The following AVPI1 variants were observed in gnomAD, a reference collection of about 807,000 sequenced individuals.
AVPI1 encodes the protein arginine vasopressin-induced protein 1.
AVPI1 carries 9 observed loss-of-function variants against 11.9 expected under a neutral mutation model. That is an observed-to-expected ratio of 0.76 (90% CI 0.46 to 1.32). AVPI1 has a LOEUF of 1.32. Among genes scored for constraint, AVPI1 ranks in the 40% most tolerant of loss-of-function variants. The probability of loss-of-function intolerance (pLI) is 0.00; values close to 1 mark genes in which losing one functional copy is unlikely to be tolerated. For missense variants in AVPI1, 207 were observed against 195.8 expected (o/e 1.06, Z -0.34); for synonymous variants, 68 against 78.1 (o/e 0.87, Z 0.68).
At position 97,678,964 on chromosome 10, in the gene AVPI1, T is replaced by A. The variant is rs2041686151; in HGVS notation, c.287+655A>T. On this transcript the variant is annotated intron_variant, in intron 2 of 2. Coordinates refer to ENST00000370626, the MANE Select transcript of AVPI1 (RefSeq NM_021732.3). ...GTGTGTGTGTGTGTGTGTGTGTGTG[T>A]GTGTGTGTGTGTGTGTGTGTGTGTG... Among the ~76,000 whole-genome samples, 11 of 65,336 alleles carry A rather than the reference T, an allele frequency of 1.7e-4. No homozygotes were observed. In the South Asian group the frequency reaches 1.9e-3, roughly 11 times the overall value. 42.9% of individuals were successfully genotyped at this position (65,336 alleles called of 152,430 possible).
chr10:97,679,703 G>C lies in AVPI1; in HGVS notation c.203C>G (p.Ala68Gly). 1 of 1,614,158 alleles carries C rather than the reference G, an allele frequency of 6.2e-7. No homozygotes were observed. The highest frequency in any genetic ancestry group is 8.5e-7 in the Non-Finnish European group (1 of 1,180,030). ...CCTGCGCAGCCTCTTGAGGGCCTCA[G>C]CCACACGGTGGTCCCCTGCACATTC... The part of the protein sequence containing the change: ...IWECAGDHRV[A>G]EALKRLRRKR... The change falls in exon 2 of 3, where the codon GCT becomes GGT. Residue 68 changes from alanine (A) to glycine (G), a missense_variant. Ala to Gly is a moderately conservative substitution (Grantham distance 60). Transcript: ENST00000370626.
At chr10:97,683,726 C>T (rs2041715754) in intron 1 of AVPI1, among the ~76,000 whole-genome samples, 1 of 152,228 alleles carries the variant, frequency 6.6e-6, no homozygotes, top group Non-Finnish European at 1.5e-5. Context: ...AAGAGCCCAG[C>T]TTCCACAGAA....
rs903066706 is a variant in AVPI1, at chr10:97,686,560, C to T, written c.-11+206G>A. 9.2e-5 allele frequency among the ~76,000 whole-genome samples: 14 copies of T among 152,162 alleles called. 1 individual carries two copies. The highest frequency in any genetic ancestry group is 1.2e-4 in the Non-Finnish European group (8 of 68,032). Reference sequence around the variant, plus strand: ...ACCCAGGCAGTCTGACCCCAGCACCCGGGCTCTCAAGCCACTGTTATTTTT... The same window carrying T: ...ACCCAGGCAGTCTGACCCCAGCACCTGGGCTCTCAAGCCACTGTTATTTTT... On this transcript the variant is annotated intron_variant, in intron 1 of 2. Coordinates refer to ENST00000370626, the MANE Select transcript of AVPI1 (RefSeq NM_021732.3).
Position 97,677,802 on chromosome 10 carries a change from C to T in AVPI1, c.*67G>A, listed in dbSNP as rs546978561. The stretch of plus-strand genomic sequence containing the variant: ...TTTGGGCTGCTTGCCTAAAGTCTCT[C>T]TTCCTTCACCTCCCCAGGCCTTTTG... On this transcript the variant is annotated 3_prime_UTR_variant, in exon 3 of 3. Coordinates refer to ENST00000370626, the MANE Select transcript of AVPI1 (RefSeq NM_021732.3). The T allele has an allele frequency of 1.2e-5, 19 of 1,585,162 alleles. No homozygotes were observed. The African/African-American group carries it at 2.2e-4, about 18-fold the overall frequency.
At chr10:97,686,242 C>T (rs967298446) in intron 1 of AVPI1, among the ~76,000 whole-genome samples, 8 of 152,172 alleles carry the variant, frequency 5.3e-5, no homozygotes, top group African/African-American at 1.9e-4. Context: ...TCTATGCATG[C>T]TGGTTGAATG....
intron 1 of AVPI1, among the ~76,000 whole-genome samples, chr10:97,685,341 T>A (rs1025646732): frequency 6.6e-6 from 1 of 152,196 alleles, no homozygotes; most frequent in African/African-American, 2.4e-5. Context: ...CACCATGCAA[T>A]GAATTTGCAA....
intron 2 of AVPI1, among the ~76,000 whole-genome samples, chr10:97,678,698 AAAG>A (rs1316194637): frequency 5.5e-4 from 83 of 151,968 alleles, no homozygotes; most frequent in Non-Finnish European, 1.1e-3. Flanking sequence ...AAAAAAAAAA[AAAG>A]AGAATCTCAC....
intron 1 of AVPI1, among the ~76,000 whole-genome samples, chr10:97,682,816 T>G (rs371992664): frequency 1.3e-5 from 2 of 152,176 alleles, no homozygotes; most frequent in South Asian, 4.1e-4. Context: ...AAATGGAAAT[T>G]TAAAAATCTG....
intron 2 of AVPI1, among the ~76,000 whole-genome samples, chr10:97,679,177 G>A (rs1359361021): frequency 1.1e-4 from 14 of 133,130 alleles, no homozygotes; most frequent in African/African-American, 3.8e-4. Flanking sequence ...GTCTCGCTCT[G>A]TCACCCAGGC....
In AVPI1 at chr10:97,683,805, G is replaced by A. The variant is rs781763732; in HGVS notation, c.-11+2961C>T. Among the ~76,000 whole-genome samples the A allele has an allele frequency of 5.5e-4, 84 of 152,344 alleles. No individual in the cohort carries two copies. The Middle Eastern group carries it at 0.014, about 25-fold the overall frequency. On this transcript the variant is annotated intron_variant, in intron 1 of 2. Transcript: ENST00000370626. ...TTACGAGTCAGAGGAGTCGGTTCAAGCCCTACTTCTGCCACTCACTGGCTG... is the reference window on the plus strand; with the variant it reads ...TTACGAGTCAGAGGAGTCGGTTCAAACCCTACTTCTGCCACTCACTGGCTG...
chr10:97,684,382 T>G (rs992695063), intron 1 of AVPI1, among the ~76,000 whole-genome samples: 7 of 151,796 alleles, frequency 4.6e-5, no homozygotes, highest in African/African-American at 1.5e-4. Context: ...GAGCTGCGAG[T>G]CACAAACATA....
At chr10:97,685,269 G>A (rs970915563) in intron 1 of AVPI1, among the ~76,000 whole-genome samples, 6 of 152,166 alleles carry the variant, frequency 3.9e-5, no homozygotes, top group Non-Finnish European at 7.3e-5. Context: ...AACTTGTTTT[G>A]AAACAGGCAA....
intron 2 of AVPI1, among the ~76,000 whole-genome samples, chr10:97,678,915 G>C (rs2041683234): frequency 2.1e-4 from 2 of 9,640 alleles, no homozygotes; most frequent in Non-Finnish European, 5.2e-4. Context: ...GTGTGTGTGT[G>C]TGTGTGTGTG....
chr10:97,678,684 TAAA>T (rs66489128), intron 2 of AVPI1, among the ~76,000 whole-genome samples: 7 of 145,078 alleles, frequency 4.8e-5, no homozygotes, highest in African/African-American at 7.5e-5. Context: ...TAATTAGGCT[TAAA>T]AAAAAAAAAA....
chr10:97,678,880 GGTGTGTGTGTGTGTGTGT>G (rs1255604041), intron 2 of AVPI1, among the ~76,000 whole-genome samples: 3 of 113,346 alleles, frequency 2.6e-5, no homozygotes, highest in Non-Finnish European at 5.4e-5. Flanking sequence ...GCGGGGGGAG[GGTGTGTGTGTGTGTGTGT>G]GTGTGTGTGT....
At chr10:97,686,374 T>C (rs1326317631) in intron 1 of AVPI1, among the ~76,000 whole-genome samples, 1 of 152,222 alleles carries the variant, frequency 6.6e-6, no homozygotes, top group Non-Finnish European at 1.5e-5. Context: ...ATTAAAATCA[T>C]AGAGGCAGCT....
At chr10:97,679,497 A>G in intron 2 of AVPI1, 122 bp downstream of exon 2, 3 of 1,243,118 alleles carry the variant, frequency 2.4e-6, no homozygotes, top group Middle Eastern at 2.8e-4. Context: ...CCTTATAACC[A>G]CCCCAATGGT....
Position 97,678,006 on chromosome 10 carries a change from C to CAGAG in AVPI1, c.303_306dup (p.Ala103LeufsTer16). ...GTGGCACTCTGTGGGTTGGCCAGTG[C>CAGAG]AGAGTGGGGCTCCAGGATTCTGCAG... On this transcript the variant is annotated frameshift_variant, in exon 3 of 3. Coordinates refer to ENST00000370626, the MANE Select transcript of AVPI1 (RefSeq NM_021732.3). LOFTEE classifies it high-confidence loss of function. The CAGAG allele has an allele frequency of 1.2e-6, 2 of 1,614,086 alleles. No homozygotes were observed. The highest frequency in any genetic ancestry group is 1.7e-6 in the Non-Finnish European group (2 of 1,179,966).
At chr10:97,678,104 G>A (rs776707429) in intron 2 of AVPI1, 79 bp from the exon 3 acceptor site, 119 of 1,473,498 alleles carry the variant, frequency 8.1e-5, no homozygotes, top group Non-Finnish European at 1.1e-4. Flanking sequence ...CGTCATGGTG[G>A]ACCATAAAAC....
Sources: allele counts gnomAD v4.1 joint callset (sites outside exome capture counted in the v4.1 genomes callset), GRCh38; gene constraint gnomAD v4.1.1; transcripts MANE v1.5; gene names NCBI Gene and HGNC (gene_info 2026-07-23, HGNC 2026-07-21).